TMEM205: variants seen among roughly 807,000 people sequenced by gnomAD.
TMEM205 encodes the protein MBC3205.
Under a neutral mutation model 17.9 loss-of-function variants are expected in TMEM205, and 11 were observed. The ratio of observed to expected loss-of-function variants is 0.61; its 90% confidence interval spans 0.39 to 1.02. The LOEUF is 1.02. Ranked by LOEUF, TMEM205 falls within the 50% of genes least tolerant of loss-of-function variation. The probability of loss-of-function intolerance (pLI) is 0.01; values close to 1 mark genes in which losing one functional copy is unlikely to be tolerated. For synonymous variants in TMEM205, 86 were observed against 97.4 expected, an observed-to-expected ratio of 0.88 and a Z score of 0.69; for missense variants, 236 against 239.4, an observed-to-expected ratio of 0.99 and a Z score of 0.09.
rs1222307864 is a variant in TMEM205, at chr19:11,342,930, G to A, written c.455C>T (p.Ala152Val). 3.1e-6 allele frequency: 5 copies of A among 1,614,066 alleles called. No individual in the cohort carries two copies. The highest frequency in any genetic ancestry group is 1.3e-5 in the African/African-American group (1 of 74,930). ...QLREKDPKYS[A>V]LRQNFFRYHG... ...GTAGCGGAAGAAATTCTGGCGGAGA[G>A]CACTGTACTTGGGGTCCTTCTCTCG... The change falls in exon 3 of 3, where the codon GCT (alanine) becomes GTT (valine). Residue 152 changes from alanine (A) to valine (V), a missense_variant. Ala to Val is a moderately conservative substitution (Grantham distance 64). Coordinates refer to ENST00000354882, the MANE Select transcript of TMEM205 (RefSeq NM_198536.3).
At chr19:11,344,416 G>A (rs544630532) in intron 2 of TMEM205, among the ~76,000 whole-genome samples, 1 of 152,228 alleles carries the variant, frequency 6.6e-6, no homozygotes, top group East Asian at 1.9e-4. Context: ...TCCTGTCTGT[G>A]AGATTATTCT....
chr19:11,345,198 A>AT, intron 2 of TMEM205, 54 bp downstream of exon 2: 1 of 1,593,944 alleles, frequency 6.3e-7, no homozygotes, highest in Non-Finnish European at 8.6e-7. Context: ...ATAGGCGCTG[A>AT]CTGAGGTCCT....
chr19:11,343,131 G>C lies in TMEM205; in HGVS notation c.265-11C>G, dbSNP rs1169431992. 5 of 1,604,966 alleles carry C rather than the reference G, an allele frequency of 3.1e-6. No individual in the cohort carries two copies. Among genetic ancestry groups the C allele is most frequent in the Non-Finnish European group, 4.3e-6 (5 of 1,175,498 alleles). On this transcript the variant is annotated splice_polypyrimidine_tract_variant and intron_variant, in intron 2 of 2. Coordinates refer to ENST00000354882, the MANE Select transcript of TMEM205 (RefSeq NM_198536.3). ...GAACAGCAGGTAAAGCTGGCAGGGA[G>C]AGCAGAGGAGAAGGTGAGCCATGCC...
upstream of TMEM205, chr19:11,346,472 T>G (rs1476724283): frequency 2.8e-6 from 3 of 1,075,652 alleles, no homozygotes; most frequent in African/African-American, 4.8e-5. Flanking sequence ...GGCCTTCGGC[T>G]ACTCCGGCAG....
At chr19:11,345,479 C>G (rs1387044796) in intron 1 of TMEM205, 41 bp downstream of exon 1, 9 of 1,613,860 alleles carry the variant, frequency 5.6e-6, no homozygotes, top group Non-Finnish European at 7.6e-6. Flanking sequence ...ATTTCCATCC[C>G]CACCCCAGGT....
upstream of TMEM205, chr19:11,346,330 G>C: frequency 1.9e-6 from 1 of 537,882 alleles, no homozygotes; most frequent in Non-Finnish European, 3.3e-6. Flanking sequence ...TCGTAGATCT[G>C]CACCTTTCTA....
chr19:11,344,194 C>T (rs1967053233), intron 2 of TMEM205, among the ~76,000 whole-genome samples: 1 of 152,068 alleles, frequency 6.6e-6, no homozygotes, highest in Non-Finnish European at 1.5e-5. Flanking sequence ...CCACCCACCT[C>T]AGCCTCCCAA....
rs1328272289 is a variant in TMEM205, at chr19:11,345,290, G to A, written c.226C>T (p.His76Tyr). Reference sequence around the variant, plus strand: ...CAGAATGTGAGCTGAGCCCAAGCATGCTGTGAAGCCAAGATGCAGAGGTTG... The same window carrying A: ...CAGAATGTGAGCTGAGCCCAAGCATACTGTGAAGCCAAGATGCAGAGGTTG... The part of the protein sequence containing the change: ...FINLCILASQ[H>Y]AWAQLTFWEA... The change falls in exon 2 of 3, where the codon CAT (histidine) becomes TAT (tyrosine). Residue 76 changes from histidine (H) to tyrosine (Y), a missense_variant. By Grantham distance (83) the His-to-Tyr change is moderately conservative. Transcript: ENST00000354882. 21 of 1,614,028 alleles carry A rather than the reference G, an allele frequency of 1.3e-5. No individual in the cohort carries two copies. The highest frequency in any genetic ancestry group is 1.8e-5 in the Non-Finnish European group (21 of 1,180,030).
chr19:11,343,759 T>G (rs1390071942), intron 2 of TMEM205, among the ~76,000 whole-genome samples: 1 of 152,038 alleles, frequency 6.6e-6, no homozygotes, highest in Non-Finnish European at 1.5e-5. Context: ...CACTGCAGCC[T>G]GGGCGACAGA....
In TMEM205 at chr19:11,346,226, G is replaced by T. The variant is rs925302005; in HGVS notation, c.-607C>A. On this transcript the variant is annotated 5_prime_UTR_variant, in exon 1 of 3. Transcript: ENST00000354882. The stretch of plus-strand genomic sequence containing the variant: ...CTGGTACCTCACTCCCACGCCCCCG[G>T]GTGGACAGCGACCCTCCTCGGCCGC... 3.1e-6 allele frequency: 1 copy of T among 318,822 alleles called. No homozygotes were observed. The highest frequency in any genetic ancestry group is 2.3e-5 in the African/African-American group (1 of 44,056). The allele number at this position is 318,822 out of a possible 1,614,324, so 19.7% of individuals were successfully genotyped here. A position where few individuals can be genotyped will look rare whatever the true frequency, so the allele number is the denominator to read the frequency against.
chr19:11,344,289 A>G lies in TMEM205; in HGVS notation c.264+963T>C, dbSNP rs888095115. On this transcript the variant is annotated intron_variant, in intron 2 of 2. Transcript: ENST00000354882. ...ATGTTTTTGCCATTCTCACATTGCTATAACACCATCTCTATCTGTTTTAAG... is the reference window on the plus strand; with the variant it reads ...ATGTTTTTGCCATTCTCACATTGCTGTAACACCATCTCTATCTGTTTTAAG... 5.3e-5 allele frequency among the ~76,000 whole-genome samples: 8 copies of G among 152,170 alleles called. No individual in the cohort carries two copies. The South Asian group carries it at 1.0e-3, about 20-fold the overall frequency.
Position 11,342,796 on chromosome 19 carries a change from T to A in TMEM205, c.*19A>T. 1 of 1,586,436 alleles carries A rather than the reference T, an allele frequency of 6.3e-7. No homozygotes were observed. The highest frequency in any genetic ancestry group is 1.4e-5 in the African/African-American group (1 of 73,480). ...GCAGCCATTTCTGAAGAAGCATTTA[T>A]TAGCATGCAGGGCCCATGCTAGAGG... On this transcript the variant is annotated 3_prime_UTR_variant, in exon 3 of 3. Coordinates refer to ENST00000354882, the MANE Select transcript of TMEM205 (RefSeq NM_198536.3).
At chr19:11,344,552 T>A (rs1329237841) in intron 2 of TMEM205, 1 of 152,114 alleles carries the variant, frequency 6.6e-6, no homozygotes, top group East Asian at 1.9e-4. Context: ...GAAAAATGTG[T>A]GGAAGGGGAT....
At chr19:11,346,417 A>T (rs1355113877), upstream of TMEM205, 6 of 682,026 alleles carry the variant, frequency 8.8e-6, no homozygotes, top group Middle Eastern at 3.4e-4. Context: ...TTATCCAATT[A>T]CGCCGCGGCT....
intron 2 of TMEM205, 88 bp downstream of exon 2, chr19:11,345,164 T>A: frequency 7.2e-7 from 1 of 1,398,412 alleles, no homozygotes; most frequent in Non-Finnish European, 9.7e-7. Context: ...CCTTTTTTTT[T>A]CCCCCCCTGG....
At chr19:11,345,213 A>G in intron 2 of TMEM205, 39 bp downstream of exon 2, 6 of 1,609,846 alleles carry the variant, frequency 3.7e-6, no homozygotes, top group Non-Finnish European at 5.1e-6. Context: ...GGTCCTGGGA[A>G]CAAGTCTCCA....
Position 11,345,038 on chromosome 19 carries a change from A to G in TMEM205, c.264+214T>C, listed in dbSNP as rs534423666. 155 of 465,464 alleles carry G rather than the reference A, an allele frequency of 3.3e-4. 2 individuals are homozygous for G. The highest frequency in any genetic ancestry group is 2.0e-3 in the South Asian group (88 of 44,910). The allele number at this position is 465,464 out of a possible 1,614,324, so 28.8% of individuals were successfully genotyped here. A position where few individuals can be genotyped will look rare whatever the true frequency, so the allele number is the denominator to read the frequency against. The stretch of plus-strand genomic sequence containing the variant: ...GCCTGGCTAATTTTTTTGTATTTTT[A>G]GTAGAGACGGGGTTTCACCATGTTG... On this transcript the variant is annotated intron_variant, in intron 2 of 2. Transcript: ENST00000354882.
chr19:11,345,643 C>G lies in TMEM205; in HGVS notation c.-24G>C, dbSNP rs567904403. On this transcript the variant is annotated 5_prime_UTR_variant, in exon 1 of 3. Transcript: ENST00000354882. ...ATCTTGCAGTCCTGGGAAGGAGGCA[C>G]CGGGTGGCTCAGAACTTTACCTTTG... is the stretch of plus-strand genomic sequence containing the variant. 54 of 1,613,394 alleles carry G rather than the reference C, an allele frequency of 3.3e-5. No homozygotes were observed. The African/African-American group carries it at 5.6e-4, about 17-fold the overall frequency.
Position 11,345,857 on chromosome 19 carries a change from A to T in TMEM205, c.-238T>A, listed in dbSNP as rs1418840978. 2 of 709,438 alleles carry T rather than the reference A, an allele frequency of 2.8e-6. No individual in the cohort carries two copies. Among genetic ancestry groups the T allele is most frequent in the South Asian group, 3.9e-5 (2 of 50,706 alleles). The allele number at this position is 709,438 out of a possible 1,614,324, so 43.9% of individuals were successfully genotyped here. ...CAAGATCTCAGGCTCTCTGGACCTC[A>T]ATCTCCATGCCACTTCAGAGGCCCC... On this transcript the variant is annotated 5_prime_UTR_variant, in exon 1 of 3. Transcript: ENST00000354882.
Sources: gnomAD v4.1 joint callset for allele counts (sites outside exome capture counted in the v4.1 genomes callset) on GRCh38, gnomAD v4.1.1 for gene constraint, MANE v1.5 for transcripts, NCBI Gene and HGNC (gene_info 2026-07-23, HGNC 2026-07-21) for gene names.